Variants in LYZL2 observed in about 807,000 individuals in gnomAD.
LYZL2 encodes lysozyme-like protein 2.
LYZL2 carries 13 observed loss-of-function variants against 17.1 expected under a neutral mutation model. That is an observed-to-expected ratio of 0.76 (90% CI 0.49 to 1.21). The LOEUF is 1.21. Ranked by LOEUF, LYZL2 falls within the 50% of genes most tolerant of loss-of-function variation. LYZL2 has a pLI of 0.00. For synonymous variants in LYZL2, 63 were observed against 74.4 expected (o/e 0.85, Z 0.79); for missense variants, 166 against 189.2 (o/e 0.88, Z 0.72).
chr10:30,627,086 G>A lies in LYZL2; in HGVS notation c.-25-146C>T, dbSNP rs147702677. The A allele has an allele frequency of 6.5e-5, 81 of 1,254,710 alleles. 1 individual carries two copies. The South Asian group carries it at 1.0e-3, about 16-fold the overall frequency. The allele number at this position is 1,254,710 out of a possible 1,614,324, so 77.7% of individuals were successfully genotyped here. Reference sequence around the variant, plus strand: ...CATCAGGGAAAACCGGCCACTCTACGGTCCAGGGAAGGAATGTGACTGCAG... The same window carrying A: ...CATCAGGGAAAACCGGCCACTCTACAGTCCAGGGAAGGAATGTGACTGCAG... On this transcript the variant is annotated intron_variant, in intron 1 of 4. Coordinates refer to ENST00000647634, the MANE Select transcript of LYZL2 (RefSeq NM_183058.3).
intron 3 of LYZL2, among the ~76,000 whole-genome samples, chr10:30,615,902 T>A: frequency 6.6e-6 from 1 of 152,054 alleles, no homozygotes; most frequent in South Asian, 2.1e-4. Context: ...AAAAAGATAG[T>A]CATTAATTCA....
intron 1 of LYZL2, 119 bp downstream of exon 1, chr10:30,629,474 A>G: frequency 1.1e-6 from 1 of 950,428 alleles, no homozygotes. Context: ...GATCTCAAAC[A>G]AGTCAAAACA....
chr10:30,627,595 GCTTA>G (rs1166578114), intron 1 of LYZL2, among the ~76,000 whole-genome samples: 1 of 151,688 alleles, frequency 6.6e-6, no homozygotes, highest in Non-Finnish European at 1.5e-5. Flanking sequence ...CTTTTCTCTA[GCTTA>G]CTTTATTGTA....
At position 30,612,849 on chromosome 10, in the gene LYZL2, A is replaced by T; in HGVS notation, c.350T>A (p.Val117Asp). 6.2e-7 allele frequency: 1 copy of T among 1,613,882 alleles called. No homozygotes were observed. ...ATAGTTCATTCCTTGTGTCTCTTTA[A>T]CAATTTTCTTGGCACAGATAATCGC... ...TDAIICAKKI[V>D]KETQGMNYWQ... The change falls in exon 4 of 5, where the codon GTT becomes GAT. Residue 117 changes from valine to aspartate, a missense_variant. Physicochemically the swap from Val to Asp is radical, Grantham distance 152. This residue lies in a region of LYZL2 where 134 missense variants were observed against 129.4 expected (regional missense o/e 1.04). Coordinates refer to ENST00000647634, the MANE Select transcript of LYZL2 (RefSeq NM_183058.3).
intron 3 of LYZL2, among the ~76,000 whole-genome samples, chr10:30,616,250 T>C (rs967588122): frequency 3.3e-5 from 5 of 152,230 alleles, no homozygotes; most frequent in Admixed American, 2.6e-4. Flanking sequence ...AATTTTTATT[T>C]GAAACAAAAT....
chr10:30,620,309 AC>A (rs1838600254), intron 3 of LYZL2, among the ~76,000 whole-genome samples: 1 of 152,172 alleles, frequency 6.6e-6, no homozygotes, highest in Admixed American at 6.5e-5. Flanking sequence ...TACTAGCAAC[AC>A]CTCTTCCCAC....
chr10:30,616,403 A>G lies in LYZL2; in HGVS notation c.299-3503T>C, dbSNP rs368147706. 7.7e-4 allele frequency among the ~76,000 whole-genome samples: 118 copies of G among 152,370 alleles called. 1 individual carries two copies. The South Asian group carries it at 0.011, about 15-fold the overall frequency. On this transcript the variant is annotated intron_variant, in intron 3 of 4. Coordinates refer to ENST00000647634, the MANE Select transcript of LYZL2 (RefSeq NM_183058.3). ...TATCAGCTTATAAAATTCTCTTGCC[A>G]GCCTGGTGCGGTGGCTCACGCCTAT... is the stretch of plus-strand genomic sequence containing the variant.
At chr10:30,611,758 GAA>G, downstream of LYZL2, 1 of 738,130 alleles carries the variant, frequency 1.4e-6, no homozygotes, top group Non-Finnish European at 2.0e-6. Flanking sequence ...AGAAAGGAAA[GAA>G]AGAGAAAAGG....
chr10:30,621,305 T>G (rs1055853853), intron 3 of LYZL2, among the ~76,000 whole-genome samples: 2 of 152,092 alleles, frequency 1.3e-5, no homozygotes, highest in African/African-American at 2.4e-5. Flanking sequence ...TGAAGCCAAG[T>G]GTGGTGGCTC....
chr10:30,620,283 T>C (rs1304289173), intron 3 of LYZL2, among the ~76,000 whole-genome samples: 2 of 152,178 alleles, frequency 1.3e-5, no homozygotes, highest in East Asian at 1.9e-4. Context: ...ACCAAGAGGA[T>C]CGCCCAGAAC....
chr10:30,626,366 C>T, intron 2 of LYZL2, 103 bp from the exon 3 acceptor site: 1 of 1,534,182 alleles, frequency 6.5e-7, no homozygotes, highest in Non-Finnish European at 8.8e-7. Flanking sequence ...TGACTGCTTC[C>T]TCCCAATACA....
intron 3 of LYZL2, among the ~76,000 whole-genome samples, chr10:30,622,593 A>G (rs1838642551): frequency 6.6e-6 from 1 of 152,100 alleles, no homozygotes. Context: ...AAAACTAGTC[A>G]TATCAGTAAT....
chr10:30,611,264 G>C (rs1033413337), downstream of LYZL2, among the ~76,000 whole-genome samples: 5 of 151,892 alleles, frequency 3.3e-5, no homozygotes, highest in African/African-American at 1.2e-4. Context: ...GCTCACACCT[G>C]TAATCCCAGG....
At chr10:30,608,816 C>CA (rs555105176), downstream of LYZL2, among the ~76,000 whole-genome samples, 7 of 152,004 alleles carry the variant, frequency 4.6e-5, no homozygotes, top group Non-Finnish European at 1.0e-4. Context: ...TCCAGTGGCA[C>CA]AAAAAAACCC....
At chr10:30,613,407 G>C (rs886987080) in intron 3 of LYZL2, among the ~76,000 whole-genome samples, 26 of 151,278 alleles carry the variant, frequency 1.7e-4, no homozygotes, top group African/African-American at 5.6e-4. Context: ...TGAGGTGGGA[G>C]AATCACTTGA....
intron 3 of LYZL2, among the ~76,000 whole-genome samples, chr10:30,621,938 A>G (rs182268330): frequency 9.2e-5 from 14 of 152,348 alleles, no homozygotes; most frequent in African/African-American, 3.1e-4. Context: ...TGTGAGGTAC[A>G]CAAATATAGA....
At chr10:30,618,499 C>T (rs1469740721) in intron 3 of LYZL2, among the ~76,000 whole-genome samples, 1 of 152,302 alleles carries the variant, frequency 6.6e-6, no homozygotes, top group East Asian at 1.9e-4. Flanking sequence ...TGGAACAGAA[C>T]AGAGCCCTCA....
intron 3 of LYZL2, among the ~76,000 whole-genome samples, chr10:30,622,840 C>T (rs1838646941): frequency 6.6e-6 from 1 of 152,178 alleles, no homozygotes; most frequent in South Asian, 2.1e-4. Context: ...TTAATCACTC[C>T]TACTGAAAAA....
intron 3 of LYZL2, 81 bp from the exon 4 acceptor site, chr10:30,612,981 T>C: frequency 1.8e-6 from 2 of 1,108,234 alleles, no homozygotes; most frequent in Non-Finnish European, 2.7e-6. Context: ...TTCATTTTTC[T>C]CAGTCTTTTT....
Sources: gnomAD v4.1 joint callset for allele counts (sites outside exome capture counted in the v4.1 genomes callset) on GRCh38, gnomAD v4.1.1 for gene constraint, gnomAD v4.1.1 regional missense constraint, MANE v1.5 for transcripts, NCBI Gene and HGNC (gene_info 2026-07-23, HGNC 2026-07-21) for gene names.